DUT: variants seen among roughly 807,000 people sequenced by gnomAD.
DUT encodes deoxyuridine triphosphatase, also known as deoxyuridine 5'-triphosphate nucleotidohydrolase, mitochondrial.
A neutral mutation model predicts 28.8 loss-of-function variants in DUT; 21 were observed. That is an observed-to-expected ratio of 0.73 (90% CI 0.52 to 1.05). The LOEUF is 1.05. Ranked by LOEUF, DUT falls within the 50% of genes least tolerant of loss-of-function variation. The pLI is 0.00. For synonymous variants in DUT, 147 were observed against 143.7 expected (o/e 1.02, Z -0.17); for missense variants, 344 against 351.8 (o/e 0.98, Z 0.18).
chr15:48,340,621 C>G (rs982264604), intron 4 of DUT, among the ~76,000 whole-genome samples: 2 of 152,090 alleles, frequency 1.3e-5, no homozygotes, highest in East Asian at 1.9e-4. Flanking sequence ...ATCTTCTCCC[C>G]CTGTGTTCAT....
rs2042555938 is a variant in DUT, at chr15:48,342,868, A to G, written c.*790A>G. 1 of 152,222 alleles carries G rather than the reference A, an allele frequency of 6.6e-6. No individual in the cohort carries two copies. Among genetic ancestry groups the G allele is most frequent in the African/African-American group, 2.4e-5 (1 of 41,462 alleles). The allele number at this position is 152,222 out of a possible 1,614,324, so 9.4% of individuals were successfully genotyped here. A position where few individuals can be genotyped will look rare whatever the true frequency, so the allele number is the denominator to read the frequency against. ...AATCAAGAAAATATGCCATTTATAG[A>G]GATAAGATAAATGAAATAATACTTC... On this transcript the variant is annotated 3_prime_UTR_variant, in exon 7 of 7. Coordinates refer to ENST00000331200, the MANE Select transcript of DUT (RefSeq NM_001025248.2).
rs577471152 is a variant in DUT at position 48,343,080 on chromosome 15, T to A, written c.*1002T>A. 1 of 152,354 alleles carries A rather than the reference T, an allele frequency of 6.6e-6. No individual in the cohort carries two copies. The highest frequency in any genetic ancestry group is 2.1e-4 in the South Asian group (1 of 4,828). 9.4% of individuals were successfully genotyped at this position (152,354 alleles called of 1,614,324 possible). The stretch of plus-strand genomic sequence containing the variant: ...GTCACTTAGGTTTTGTCCATCAGAT[T>A]CTGTGAGACACCAGGCATCGTTTTG... On this transcript the variant is annotated 3_prime_UTR_variant, in exon 7 of 7. Transcript: ENST00000331200.
chr15:48,335,979 G>C, intron 3 of DUT, 67 bp from the exon 4 acceptor site: 1 of 1,211,872 alleles, frequency 8.3e-7, no homozygotes. Context: ...TGCTTAAATT[G>C]CATCAGTTAT....
chr15:48,334,164 C>T (rs1305975043), intron 2 of DUT, among the ~76,000 whole-genome samples: 1 of 152,196 alleles, frequency 6.6e-6, no homozygotes, highest in Non-Finnish European at 1.5e-5. Flanking sequence ...CATCTCTTCA[C>T]ACCACCAAAA....
chr15:48,331,899 C>T (rs553728626), intron 1 of DUT, 104 bp downstream of exon 1: 47 of 12,674 alleles, frequency 3.7e-3, no homozygotes, highest in African/African-American at 0.035. Flanking sequence ...GCGCGGGGGG[C>T]GGGGGGGGTG....
rs2042552836 is a variant in DUT, at chr15:48,342,690, A to C, written c.*612A>C. ...TCCACTATTAATCTTTCTTTTGATA[A>C]ATCCTCTATTGACTGGGTAGAGGTA... On this transcript the variant is annotated 3_prime_UTR_variant, in exon 7 of 7. Coordinates refer to ENST00000331200, the MANE Select transcript of DUT (RefSeq NM_001025248.2). 1 of 152,198 alleles carries C rather than the reference A, an allele frequency of 6.6e-6. No individual in the cohort carries two copies. The highest frequency in any genetic ancestry group is 1.5e-5 in the Non-Finnish European group (1 of 68,038). The allele number at this position is 152,198 out of a possible 1,614,324, so 9.4% of individuals were successfully genotyped here. A position where few individuals can be genotyped will look rare whatever the true frequency, so the allele number is the denominator to read the frequency against.
intron 4 of DUT, among the ~76,000 whole-genome samples, chr15:48,338,628 G>GA (rs1350171929): frequency 6.6e-6 from 1 of 152,192 alleles, no homozygotes; most frequent in African/African-American, 2.4e-5. Context: ...GAATGTAAGA[G>GA]ATTGTTGCCA....
chr15:48,332,055 T>C (rs1450557561), intron 1 of DUT: 1 of 1,166,670 alleles, frequency 8.6e-7, no homozygotes, highest in Non-Finnish European at 1.1e-6. Context: ...CAAACCTGCT[T>C]TCCGAGAAGG....
rs1169200307 is a variant in DUT, at chr15:48,342,899, C to A, written c.*821C>A. 2.0e-5 allele frequency: 3 copies of A among 152,180 alleles called. No individual in the cohort carries two copies. The highest frequency in any genetic ancestry group is 7.2e-5 in the African/African-American group (3 of 41,436). 9.4% of individuals were successfully genotyped at this position (152,180 alleles called of 1,614,324 possible). ...GATAAATGAAATAATACTTCAGCCA[C>A]CAGGTTTTTCTGTCTCACATACATA... is the stretch of plus-strand genomic sequence containing the variant. On this transcript the variant is annotated 3_prime_UTR_variant, in exon 7 of 7. Transcript: ENST00000331200.
At chr15:48,341,182 G>T (rs567426583) in intron 4 of DUT, 107 bp from the exon 5 acceptor site, 2 of 673,556 alleles carry the variant, frequency 3.0e-6, no homozygotes, top group African/African-American at 1.8e-5. Flanking sequence ...TTATTCAATT[G>T]TAAGAATACA....
intron 1 of DUT, 113 bp downstream of exon 1, chr15:48,331,908 T>A (rs536339606): frequency 7.5e-5 from 2 of 26,838 alleles, no homozygotes; most frequent in African/African-American, 2.1e-4. Flanking sequence ...GCGGGGGGGG[T>A]GGGGTGGTCC....
intron 2 of DUT, among the ~76,000 whole-genome samples, chr15:48,333,860 C>G (rs952419326): frequency 6.6e-6 from 1 of 152,134 alleles, no homozygotes; most frequent in African/African-American, 2.4e-5. Flanking sequence ...CGTTTTTCTC[C>G]TTTCCTTCTG....
upstream of DUT, chr15:48,331,251 A>G (rs1406728104): frequency 3.7e-5 from 54 of 1,469,236 alleles, no homozygotes; most frequent in Non-Finnish European, 4.5e-5. Flanking sequence ...AATGGGGGCC[A>G]GAGCAAACAA....
intron 3 of DUT, 99 bp downstream of exon 3, chr15:48,334,607 G>T (rs999004009): frequency 6.2e-6 from 5 of 807,876 alleles, no homozygotes; most frequent in Non-Finnish European, 1.0e-5. Flanking sequence ...TATTGCTTGG[G>T]CTGTGTCCTA....
chr15:48,339,174 A>G (rs1008666442), intron 4 of DUT, among the ~76,000 whole-genome samples: 1 of 152,214 alleles, frequency 6.6e-6, no homozygotes, highest in Non-Finnish European at 1.5e-5. Context: ...TCTAAAAAGA[A>G]TGGCTAACAT....
intron 1 of DUT, chr15:48,332,057 C>A: frequency 8.5e-7 from 1 of 1,178,886 alleles, no homozygotes; most frequent in Non-Finnish European, 1.1e-6. Flanking sequence ...AACCTGCTTT[C>A]CGAGAAGGGC....
chr15:48,338,885 C>G (rs2042501705), intron 4 of DUT, among the ~76,000 whole-genome samples: 1 of 152,086 alleles, frequency 6.6e-6, no homozygotes, highest in Non-Finnish European at 1.5e-5. Flanking sequence ...GCCTGTAATC[C>G]CAGCACTTTG....
At chr15:48,340,684 G>A (rs993217208) in intron 4 of DUT, among the ~76,000 whole-genome samples, 1 of 152,172 alleles carries the variant, frequency 6.6e-6, no homozygotes, top group Non-Finnish European at 1.5e-5. Flanking sequence ...TGAAGCCTAT[G>A]TGCTACAGTC....
chr15:48,333,235 A>G (rs2042438369), intron 2 of DUT, among the ~76,000 whole-genome samples: 1 of 152,192 alleles, frequency 6.6e-6, no homozygotes, highest in African/African-American at 2.4e-5. Context: ...TAGTCTAAGC[A>G]CAGGAGAAGA....
Sources: allele counts gnomAD v4.1 joint callset (sites outside exome capture counted in the v4.1 genomes callset), GRCh38; gene constraint gnomAD v4.1.1; transcripts MANE v1.5; gene names NCBI Gene and HGNC (gene_info 2026-07-23, HGNC 2026-07-21).